Variants in DNAH10 observed in about 807,000 individuals in gnomAD.
The protein encoded by DNAH10 is axonemal beta dynein heavy chain 10.
In DNAH10, 348 loss-of-function variants were observed where a neutral mutation model predicts 506.6. The observed-to-expected ratio is 0.69, with a 90% confidence interval of 0.63 to 0.75. The LOEUF (loss-of-function observed/expected upper bound fraction) is 0.75, where lower values mean the gene tolerates loss of function less well. Among genes scored for constraint, DNAH10 ranks in the 30% least tolerant of loss-of-function variants. The pLI, the probability that DNAH10 is intolerant of heterozygous loss-of-function variation, is 0.00. For synonymous variants in DNAH10, 2,059 were observed against 2,198.6 expected (o/e 0.94, Z 1.78); for missense variants, 5,179 against 5,787.1 (o/e 0.89, Z 3.41).
At position 123,903,220 on chromosome 12, in the gene DNAH10, T is replaced by A; in HGVS notation, c.9815+107T>A. The A allele has an allele frequency of 5.2e-6, 7 of 1,341,468 alleles. No homozygotes were observed. Among genetic ancestry groups the A allele is most frequent in the Non-Finnish European group, 7.0e-6 (7 of 1,005,598 alleles). 83.1% of individuals were successfully genotyped at this position (1,341,468 alleles called of 1,614,324 possible). ...TTACAAAGGAGCCGATGCCACATGC[T>A]GCCACTGTGCCTGGCTCTCTCCATG... On this transcript the variant is annotated intron_variant, in intron 57 of 78. Coordinates refer to ENST00000673944, the MANE Select transcript of DNAH10 (RefSeq NM_001372106.1). The surrounding 1 kb of genome is among the most constrained non-coding windows in gnomAD (Gnocchi z 4.6).
In DNAH10 at chr12:123,868,076, T is replaced by G; in HGVS notation, c.7476T>G (p.Thr2492=). ...EYIKRLASLS[T]VDTEGVWANP... ...TCAAACGCCTTGCTTCTTTGTCTACTGTTGACACAGAAGGAGTTTGGGCCA... is the reference window on the plus strand; with the variant it reads ...TCAAACGCCTTGCTTCTTTGTCTACGGTTGACACAGAAGGAGTTTGGGCCA... Residue 2492 remains threonine, a synonymous_variant, in exon 43 of 79, where the codon ACT becomes ACG. Coordinates refer to ENST00000673944, the MANE Select transcript of DNAH10 (RefSeq NM_001372106.1). 6.2e-7 allele frequency: 1 copy of G among 1,613,850 alleles called. No homozygotes were observed. Among genetic ancestry groups the G allele is most frequent in the Non-Finnish European group, 8.5e-7 (1 of 1,179,886 alleles).
chr12:123,847,542 G>C (rs577275862), intron 32 of DNAH10, among the ~76,000 whole-genome samples: 10 of 152,288 alleles, frequency 6.6e-5, no homozygotes, highest in African/African-American at 2.4e-4. Context: ...GAAGTGCCAA[G>C]GGTAGAAGCC....
At chr12:123,836,343 C>T (rs1961125681) in intron 28 of DNAH10, among the ~76,000 whole-genome samples, 1 of 152,176 alleles carries the variant, frequency 6.6e-6, no homozygotes, top group South Asian at 2.1e-4. Flanking sequence ...GATTACTCTC[C>T]AGTAATTTGA....
At chr12:123,898,856 A>G in intron 56 of DNAH10, 42 bp downstream of exon 56, 1 of 1,553,254 alleles carries the variant, frequency 6.4e-7, no homozygotes, top group Non-Finnish European at 8.7e-7. Flanking sequence ...CCCAACACCC[A>G]ATACCCACCG....
chr12:123,863,107 GA>G (rs903998127), intron 39 of DNAH10, among the ~76,000 whole-genome samples: 4 of 151,912 alleles, frequency 2.6e-5, no homozygotes, highest in South Asian at 2.1e-4. Context: ...GTTAATCCTG[GA>G]AAAAAAAGAT....
chr12:123,927,818 C>T (rs1282085161), intron 69 of DNAH10: 1 of 153,786 alleles, frequency 6.5e-6, no homozygotes, highest in African/African-American at 2.4e-5. Context: ...AGGAGGCAAG[C>T]CCTGGGCACC....
At chr12:123,859,407 G>A (rs540263008) in intron 38 of DNAH10, 139 bp downstream of exon 38, 2 of 650,858 alleles carry the variant, frequency 3.1e-6, no homozygotes, top group Non-Finnish European at 4.9e-6. Context: ...TTTCGACTCA[G>A]CGTGTTTTTA....
rs990756476 is a variant in DNAH10 at position 123,928,297 on chromosome 12, G to A, written c.12106-90G>A. 2.1e-5 allele frequency: 30 copies of A among 1,400,010 alleles called. No homozygotes were observed. Among genetic ancestry groups the A allele is most frequent in the African/African-American group, 1.9e-4 (13 of 69,958 alleles). The allele number at this position is 1,400,010 out of a possible 1,614,324, so 86.7% of individuals were successfully genotyped here. On this transcript the variant is annotated intron_variant, in intron 69 of 78. Transcript: ENST00000673944. This position sits in a 1 kb window ranked among gnomAD's most constrained non-coding sequence, Gnocchi z 4.9. ...TTTGGCTTCTGCTGGAGCTGCCATC[G>A]CCCTTCTGTGGGTGTGGAGTGGGTC...
At chr12:123,930,693 C>A in intron 73 of DNAH10, 120 bp downstream of exon 73, 3 of 1,103,974 alleles carry the variant, frequency 2.7e-6, no homozygotes, top group Non-Finnish European at 3.7e-6. Context: ...TCTGTTAAGC[C>A]TGTTAGGTGG....
At chr12:123,821,532 T>A (rs1291588929) in intron 24 of DNAH10, among the ~76,000 whole-genome samples, 2 of 152,128 alleles carry the variant, frequency 1.3e-5, no homozygotes, top group Non-Finnish European at 2.9e-5. Flanking sequence ...AATGTCTCAC[T>A]GTGTTACCCA....
chr12:123,833,926 C>A (rs1428606682), intron 27 of DNAH10, among the ~76,000 whole-genome samples: 1 of 152,174 alleles, frequency 6.6e-6, no homozygotes, highest in East Asian at 1.9e-4. Flanking sequence ...TCCTTTTGGG[C>A]AATACTTATC....
chr12:123,802,635 C>T (rs1958516862), intron 16 of DNAH10, among the ~76,000 whole-genome samples: 2 of 151,718 alleles, frequency 1.3e-5, no homozygotes, highest in South Asian at 4.2e-4. Flanking sequence ...GTTTTACTGT[C>T]ATGCTGTCTT....
intron 72 of DNAH10, 149 bp downstream of exon 72, chr12:123,929,908 C>G: frequency 1.4e-6 from 1 of 694,178 alleles, no homozygotes; most frequent in Non-Finnish European, 2.4e-6. Context: ...CTGCTCTCAC[C>G]TGGTTGTTCT....
At chr12:123,782,490 G>C (rs1442607385) in intron 6 of DNAH10, among the ~76,000 whole-genome samples, 1 of 143,328 alleles carries the variant, frequency 7.0e-6, no homozygotes, top group Non-Finnish European at 1.5e-5. Context: ...GCTCACTGCA[G>C]TCTCAACCTT....
intron 25 of DNAH10, among the ~76,000 whole-genome samples, chr12:123,827,707 A>T (rs1231392026): frequency 6.6e-6 from 1 of 152,228 alleles, no homozygotes; most frequent in Non-Finnish European, 1.5e-5. Context: ...TGAGAAAGTC[A>T]TCCCTTCTTT....
At chr12:123,847,862 C>G (rs1405392445) in intron 32 of DNAH10, 99 bp from the exon 33 acceptor site, 2 of 1,442,656 alleles carry the variant, frequency 1.4e-6, no homozygotes, top group Non-Finnish European at 1.9e-6. Context: ...CACATTCTTT[C>G]TCTATTCTGC....
intron 21 of DNAH10, among the ~76,000 whole-genome samples, chr12:123,816,118 A>T (rs551171140): frequency 6.6e-6 from 1 of 152,290 alleles, no homozygotes; most frequent in East Asian, 1.9e-4. Flanking sequence ...GGTCACAGGA[A>T]CATCTTTTGT....
chr12:123,930,705 T>C, intron 73 of DNAH10, 132 bp downstream of exon 73: 1 of 884,580 alleles, frequency 1.1e-6, no homozygotes. Flanking sequence ...GTTAGGTGGC[T>C]CGGCAGACGC....
chr12:123,879,529 G>C (rs1169311701), intron 49 of DNAH10, 105 bp from the exon 50 acceptor site: 1 of 1,526,468 alleles, frequency 6.6e-7, no homozygotes, highest in Non-Finnish European at 8.9e-7. Context: ...AAAAAAAATA[G>C]AACGCAAATT....
Sources: allele counts gnomAD v4.1 joint callset (sites outside exome capture counted in the v4.1 genomes callset), GRCh38; gene constraint gnomAD v4.1.1; non-coding constraint Gnocchi (gnomAD v3.1); transcripts MANE v1.5; gene names NCBI Gene and HGNC (gene_info 2026-07-23, HGNC 2026-07-21).